The following DTNB variants were observed in gnomAD, a reference collection of about 807,000 sequenced individuals.
DTNB encodes the protein DTN-B.
DTNB carries 63 observed loss-of-function variants against 90.7 expected under a neutral mutation model. That is an observed-to-expected ratio of 0.69 (90% CI 0.57 to 0.86). The LOEUF (loss-of-function observed/expected upper bound fraction) is 0.86, where lower values mean the gene tolerates loss of function less well. Among genes scored for constraint, DTNB ranks in the 40% least tolerant of loss-of-function variants. The pLI, the probability that DTNB is intolerant of heterozygous loss-of-function variation, is 0.00. For synonymous variants in DTNB, 277 were observed against 286.7 expected (o/e 0.97, Z 0.34); for missense variants, 744 against 807.1 (o/e 0.92, Z 0.95).
intron 12 of DTNB, among the ~76,000 whole-genome samples, chr2:25,437,990 T>C (rs925551683): frequency 2.0e-5 from 3 of 152,220 alleles, no homozygotes; most frequent in Non-Finnish European, 4.4e-5. Context: ...CAGAAAATTC[T>C]TTTTAAATGA....
intron 8 of DTNB, among the ~76,000 whole-genome samples, chr2:25,551,782 T>C (rs1008567009): frequency 6.6e-6 from 1 of 152,324 alleles, no homozygotes; most frequent in Non-Finnish European, 1.5e-5. Flanking sequence ...TTAAGTATCA[T>C]CTCTCTGCAT....
intron 9 of DTNB, among the ~76,000 whole-genome samples, chr2:25,522,619 T>C (rs1436647211): frequency 6.6e-6 from 1 of 152,082 alleles, no homozygotes; most frequent in African/African-American, 2.4e-5. Context: ...AAAAGCACTT[T>C]CTCATACATT....
At chr2:25,455,344 G>T in intron 11 of DTNB, 61 bp downstream of exon 11, 1 of 1,478,834 alleles carries the variant, frequency 6.8e-7, no homozygotes. Flanking sequence ...ACCCCAGGTA[G>T]CAAAGCTCTC....
At chr2:25,586,077 A>G (rs2062343832) in intron 6 of DTNB, among the ~76,000 whole-genome samples, 1 of 152,252 alleles carries the variant, frequency 6.6e-6, no homozygotes, top group African/African-American at 2.4e-5. Flanking sequence ...TCTCATTGCA[A>G]AGATTATTTC....
intron 16 of DTNB, among the ~76,000 whole-genome samples, chr2:25,396,999 T>A (rs2042543536): frequency 6.6e-6 from 1 of 151,972 alleles, no homozygotes; most frequent in Non-Finnish European, 1.5e-5. Context: ...CTGAATTTCT[T>A]TAAGCCATCT....
chr2:25,416,038 G>A (rs1016917864), intron 16 of DTNB, among the ~76,000 whole-genome samples: 1 of 152,238 alleles, frequency 6.6e-6, no homozygotes, highest in Non-Finnish European at 1.5e-5. Flanking sequence ...CACTACTTGT[G>A]ATTGGTGTCT....
At chr2:25,466,029 A>G (rs2061710984) in intron 10 of DTNB, among the ~76,000 whole-genome samples, 1 of 152,212 alleles carries the variant, frequency 6.6e-6, no homozygotes, top group South Asian at 2.1e-4. Context: ...TGAAATAATC[A>G]GTTACTTCTA....
At chr2:25,665,776 TAAA>T (rs11294720) in intron 1 of DTNB, among the ~76,000 whole-genome samples, 11 of 141,434 alleles carry the variant, frequency 7.8e-5, no homozygotes, top group Admixed American at 1.4e-4. Flanking sequence ...CTTTCAGATT[TAAA>T]AAAAAAAAAA....
intron 8 of DTNB, among the ~76,000 whole-genome samples, chr2:25,536,118 A>G (rs1159846401): frequency 1.3e-5 from 2 of 148,226 alleles, no homozygotes; most frequent in Non-Finnish European, 3.0e-5. Flanking sequence ...GCGGCCGGGC[A>G]GAGGCACTCC....
chr2:25,575,130 A>G (rs2060459983), intron 8 of DTNB, among the ~76,000 whole-genome samples: 2 of 152,128 alleles, frequency 1.3e-5, no homozygotes, highest in Non-Finnish European at 2.9e-5. Flanking sequence ...CTTAGCCCCA[A>G]CATCCGGAAT....
At chr2:25,590,404 C>G (rs972525126) in intron 6 of DTNB, among the ~76,000 whole-genome samples, 5 of 152,136 alleles carry the variant, frequency 3.3e-5, no homozygotes, top group Non-Finnish European at 5.9e-5. Context: ...TAGAACAGTT[C>G]GGAGGAGACT....
In DTNB at chr2:25,469,341, C is replaced by T. The variant is rs574652223; in HGVS notation, c.1079+13455G>A. ...GAGAATTTACAGCATACTCCAGGTA[C>T]TGAAGAGTCCCAGCTTGAAGAGTAG... is the stretch of plus-strand genomic sequence containing the variant. On this transcript the variant is annotated intron_variant, in intron 10 of 20. Coordinates refer to ENST00000406818, the MANE Select transcript of DTNB (RefSeq NM_021907.5). Among the ~76,000 whole-genome samples the T allele has an allele frequency of 4.6e-5, 7 of 152,266 alleles. No individual in the cohort carries two copies. In the South Asian group the frequency reaches 1.5e-3, roughly 32 times the overall value.
chr2:25,588,098 T>G (rs2062795826), intron 6 of DTNB, among the ~76,000 whole-genome samples: 1 of 152,118 alleles, frequency 6.6e-6, no homozygotes, highest in South Asian at 2.1e-4. Flanking sequence ...GACAATAAAT[T>G]ATTTTGGTTA....
chr2:25,545,354 A>G (rs1390097886), intron 8 of DTNB, among the ~76,000 whole-genome samples: 1 of 152,092 alleles, frequency 6.6e-6, no homozygotes, highest in African/African-American at 2.4e-5. Context: ...CCCTCACAGT[A>G]GATTGTTTTG....
intron 16 of DTNB, 26 bp downstream of exon 16, chr2:25,419,489 G>A (rs200266795): frequency 1.5e-5 from 24 of 1,557,782 alleles, no homozygotes; most frequent in African/African-American, 6.8e-5. Flanking sequence ...GCGAGAGTCC[G>A]GCGGGAAATT....
chr2:25,597,341 A>C (rs574338843), intron 5 of DTNB, among the ~76,000 whole-genome samples: 1 of 148,996 alleles, frequency 6.7e-6, no homozygotes, highest in Admixed American at 6.7e-5. Flanking sequence ...CTTGTCTCCA[A>C]AAAAAAAAAG....
At chr2:25,402,346 C>T (rs149348410) in intron 16 of DTNB, among the ~76,000 whole-genome samples, 3 of 152,270 alleles carry the variant, frequency 2.0e-5, no homozygotes, top group Non-Finnish European at 2.9e-5. Flanking sequence ...ACCCAATGGC[C>T]GTGAGCAAGG....
At chr2:25,422,161 AG>A (rs902128385) in intron 15 of DTNB, among the ~76,000 whole-genome samples, 3 of 152,176 alleles carry the variant, frequency 2.0e-5, no homozygotes, top group Non-Finnish European at 2.9e-5. Flanking sequence ...GTGATTTAAA[AG>A]GGGGTAATAC....
chr2:25,494,843 C>T (rs970632160), intron 9 of DTNB, among the ~76,000 whole-genome samples: 26 of 151,986 alleles, frequency 1.7e-4, no homozygotes, highest in African/African-American at 6.3e-4. Flanking sequence ...ACTGGTATTC[C>T]TCCCGGAACA....
Sources: gnomAD v4.1 joint callset for allele counts (sites outside exome capture counted in the v4.1 genomes callset) on GRCh38, gnomAD v4.1.1 for gene constraint, MANE v1.5 for transcripts, NCBI Gene and HGNC (gene_info 2026-07-23, HGNC 2026-07-21) for gene names.